The following NTNG1 variants were observed in gnomAD, a reference collection of about 807,000 sequenced individuals.
The protein encoded by NTNG1 is netrin G1.
In NTNG1, 16 loss-of-function variants were observed where a neutral mutation model predicts 54.0. That is an observed-to-expected ratio of 0.30 (90% CI 0.20 to 0.45). The LOEUF is 0.45. Ranked by LOEUF, NTNG1 falls within the 20% of genes least tolerant of loss-of-function variation. NTNG1 has a pLI of 1.00. For missense variants in NTNG1, 530 were observed against 678.7 expected (o/e 0.78, Z 2.43); for synonymous variants, 255 against 263.1 (o/e 0.97, Z 0.30).
At chr1:107,391,686 C>T (rs1332244278) in intron 3 of NTNG1, among the ~76,000 whole-genome samples, 2 of 151,964 alleles carry the variant, frequency 1.3e-5, no homozygotes, top group Non-Finnish European at 2.9e-5. Flanking sequence ...TGTCACATGG[C>T]AAGAGCAGGA....
At chr1:107,330,533 G>T (rs957014470) in intron 3 of NTNG1, among the ~76,000 whole-genome samples, 1 of 152,134 alleles carries the variant, frequency 6.6e-6, no homozygotes, top group Non-Finnish European at 1.5e-5. Flanking sequence ...TGACCAGTCA[G>T]ATTTTGGGGA....
intron 2 of NTNG1, among the ~76,000 whole-genome samples, chr1:107,318,261 CACTCTGGATGTT>C (rs1355183564): frequency 3.3e-5 from 5 of 152,154 alleles, no homozygotes; most frequent in African/African-American, 9.7e-5. Flanking sequence ...AGAAGCTCCA[CACTCTGGATGTT>C]ACCCACCCAC....
intron 3 of NTNG1, among the ~76,000 whole-genome samples, chr1:107,373,359 G>T (rs1306228497): frequency 1.3e-5 from 2 of 151,832 alleles, no homozygotes; most frequent in Non-Finnish European, 2.9e-5. Context: ...CCTTACAATA[G>T]TACTTCCATT....
chr1:107,286,810 C>A (rs4500349), intron 2 of NTNG1, among the ~76,000 whole-genome samples: 2,302 of 152,238 alleles, frequency 0.015, 57 homozygotes, highest in African/African-American at 0.052. Flanking sequence ...TGATTTATTA[C>A]AATGTCCATA....
At chr1:107,387,040 A>G (rs1045829508) in intron 3 of NTNG1, among the ~76,000 whole-genome samples, 5 of 152,210 alleles carry the variant, frequency 3.3e-5, no homozygotes, top group Non-Finnish European at 5.9e-5. Flanking sequence ...GGCTATTTGT[A>G]TATCGTCTTC....
chr1:107,242,875 A>G (rs777124716), intron 2 of NTNG1, among the ~76,000 whole-genome samples: 1 of 152,218 alleles, frequency 6.6e-6, no homozygotes, highest in Non-Finnish European at 1.5e-5. Flanking sequence ...TGAAGAGTTG[A>G]ATGCAACCAG....
intron 4 of NTNG1, among the ~76,000 whole-genome samples, chr1:107,396,018 C>A (rs1160643050): frequency 6.6e-6 from 1 of 152,206 alleles, no homozygotes; most frequent in Non-Finnish European, 1.5e-5. Context: ...ATCCCTGATT[C>A]CCCATAGGAA....
intron 4 of NTNG1, 161 bp downstream of exon 4, chr1:107,395,487 C>A: frequency 1.3e-6 from 1 of 769,258 alleles, no homozygotes. Context: ...ATGTAGACAT[C>A]TTTTAGCACT....
chr1:107,419,235 C>T (rs1674424394), intron 5 of NTNG1, among the ~76,000 whole-genome samples: 1 of 124,840 alleles, frequency 8.0e-6, no homozygotes, highest in Non-Finnish European at 1.8e-5. Context: ...GCTACCTCCT[C>T]CCTCCTCTCT....
At chr1:107,318,740 A>G (rs1025590150) in intron 2 of NTNG1, among the ~76,000 whole-genome samples, 8 of 152,142 alleles carry the variant, frequency 5.3e-5, no homozygotes, top group African/African-American at 1.7e-4. Context: ...GGGTCTTGGA[A>G]CATTTCCCCA....
At chr1:107,356,829 A>C (rs1237310037) in intron 3 of NTNG1, among the ~76,000 whole-genome samples, 1 of 151,986 alleles carries the variant, frequency 6.6e-6, no homozygotes, top group Admixed American at 6.6e-5. Flanking sequence ...ATGGCAAAAC[A>C]CTGTCTCTAA....
At chr1:107,155,533 A>C (rs933723156) in intron 2 of NTNG1, among the ~76,000 whole-genome samples, 1 of 151,836 alleles carries the variant, frequency 6.6e-6, no homozygotes, top group South Asian at 2.1e-4. Flanking sequence ...ACCATTTAGC[A>C]CCTCATTAGA....
intron 2 of NTNG1, among the ~76,000 whole-genome samples, chr1:107,321,985 G>A (rs893112961): frequency 6.6e-6 from 1 of 152,154 alleles, no homozygotes. Context: ...GGGATGAAAA[G>A]GATTACCCAG....
chr1:107,285,163 A>G (rs1665107804), intron 2 of NTNG1, among the ~76,000 whole-genome samples: 1 of 152,170 alleles, frequency 6.6e-6, no homozygotes, highest in Non-Finnish European at 1.5e-5. Flanking sequence ...CCAGAATAAC[A>G]CGAAGTAGAG....
Position 107,349,810 on chromosome 1 carries a change from T to C in NTNG1, c.887+24888T>C, listed in dbSNP as rs575882333. On this transcript the variant is annotated intron_variant, in intron 3 of 7. Coordinates refer to ENST00000370068, the MANE Select transcript of NTNG1 (RefSeq NM_001113226.3). ...GAAATAGTATTCCATTGTGTGACTA[T>C]ACCACAGTTTATCTATACTCCTGTC... 1.6e-3 allele frequency among the ~76,000 whole-genome samples: 249 copies of C among 152,292 alleles called. 3 individuals carry two copies. The highest frequency in any genetic ancestry group is 6.0e-3 in the African/African-American group (248 of 41,566).
chr1:107,314,444 T>TAAATTAAA lies in NTNG1; in HGVS notation c.247-9835_247-9834insTTAAAAAA, dbSNP rs1553224168. Among the ~76,000 whole-genome samples the TAAATTAAA allele has an allele frequency of 7.7e-5, 9 of 116,360 alleles. 1 individual carries two copies. The highest frequency in any genetic ancestry group is 3.2e-4 in the African/African-American group (9 of 27,834). The allele number at this position is 116,360 out of a possible 152,430, so 76.3% of individuals were successfully genotyped here. A position where few individuals can be genotyped will look rare whatever the true frequency, so the allele number is the denominator to read the frequency against. On this transcript the variant is annotated intron_variant, in intron 2 of 7. Coordinates refer to ENST00000370068, the MANE Select transcript of NTNG1 (RefSeq NM_001113226.3). ...ATAAATAAATAAATAAATAAATAAA[T>TAAATTAAA]AAAAATGAGATACACACCTAGTTAA...
chr1:107,152,220 G>A (rs534776248), intron 2 of NTNG1, among the ~76,000 whole-genome samples: 23 of 152,214 alleles, frequency 1.5e-4, no homozygotes, highest in African/African-American at 5.3e-4. Context: ...TGAAGGGAAG[G>A]TGGGGGTTAA....
rs562368423 is a variant in NTNG1 at position 107,304,088 on chromosome 1, A to G, written c.247-20194A>G. 1.3e-3 allele frequency among the ~76,000 whole-genome samples: 196 copies of G among 152,170 alleles called. 1 individual carries two copies. Among genetic ancestry groups the G allele is most frequent in the African/African-American group, 4.5e-3 (187 of 41,538 alleles). ...TTCTGCCTCAACAGCCTATTACAAC[A>G]AGTATTTCCAAGGTCACTGACAACC... On this transcript the variant is annotated intron_variant, in intron 2 of 7. Coordinates refer to ENST00000370068, the MANE Select transcript of NTNG1 (RefSeq NM_001113226.3).
intron 2 of NTNG1, among the ~76,000 whole-genome samples, chr1:107,165,000 AG>A (rs34565155): frequency 6.6e-6 from 1 of 152,124 alleles, no homozygotes; most frequent in Admixed American, 6.5e-5. Flanking sequence ...TAAAGAGAGC[AG>A]GGATACGAGC....
Sources: allele counts gnomAD v4.1 joint callset (sites outside exome capture counted in the v4.1 genomes callset), GRCh38; gene constraint gnomAD v4.1.1; transcripts MANE v1.5; gene names NCBI Gene and HGNC (gene_info 2026-07-23, HGNC 2026-07-21).